The following SMURF1 variants were observed in gnomAD, a reference collection of about 807,000 sequenced individuals.
The protein encoded by SMURF1 is E3 ubiquitin-protein ligase SMURF1.
Under a neutral mutation model 98.0 loss-of-function variants are expected in SMURF1, and 44 were observed. The ratio of observed to expected loss-of-function variants is 0.45; its 90% CI spans 0.35 to 0.58. The LOEUF is 0.58. Among genes scored for constraint, SMURF1 ranks in the 20% least tolerant of loss-of-function variants. SMURF1 has a pLI of 0.00. For missense variants in SMURF1, 687 were observed against 938.4 expected (o/e 0.73, Z 3.50); for synonymous variants, 396 against 374.9 (o/e 1.06, Z -0.65).
At chr7:99,123,317 G>A (rs748185449) in intron 1 of SMURF1, among the ~76,000 whole-genome samples, 5 of 152,102 alleles carry the variant, frequency 3.3e-5, no homozygotes, top group African/African-American at 1.2e-4. Context: ...AGGATCACTA[G>A]AGACCAGGAG....
In SMURF1 at chr7:99,055,485, TA is replaced by T. The variant is rs546111265; in HGVS notation, c.404-621del. Reference sequence around the variant, plus strand: ...TCTGTCTCCAAAAAAAATTAAAAATTAAAAAAAATAATAAAAATAAGAAGTT... The same window carrying T: ...TCTGTCTCCAAAAAAAATTAAAAATTAAAAAAATAATAAAAATAAGAAGTT... On this transcript the variant is annotated intron_variant, in intron 5 of 17. Coordinates refer to ENST00000361368, the MANE Select transcript of SMURF1 (RefSeq NM_181349.3). 4.2e-4 allele frequency among the ~76,000 whole-genome samples: 63 copies of T among 150,730 alleles called. No homozygotes were observed. In the East Asian group the frequency reaches 9.6e-3, roughly 23 times the overall value.
intron 1 of SMURF1, among the ~76,000 whole-genome samples, chr7:99,084,672 C>T (rs962285493): frequency 1.3e-5 from 2 of 152,050 alleles, no homozygotes; most frequent in Admixed American, 6.5e-5. Context: ...TGTGAGCCAC[C>T]GCACCCAGCC....
chr7:99,056,036 A>G, intron 5 of SMURF1, among the ~76,000 whole-genome samples: 1 of 152,244 alleles, frequency 6.6e-6, no homozygotes, highest in East Asian at 1.9e-4. Flanking sequence ...CTAAATATTT[A>G]TTCTCTATCT....
intron 1 of SMURF1, among the ~76,000 whole-genome samples, chr7:99,081,755 C>G (rs924994725): frequency 6.6e-6 from 1 of 152,198 alleles, no homozygotes; most frequent in African/African-American, 2.4e-5. Flanking sequence ...CAGGTTCAAG[C>G]TATTCTCCTG....
At chr7:99,068,586 C>T (rs1032096816) in intron 1 of SMURF1, among the ~76,000 whole-genome samples, 2 of 152,190 alleles carry the variant, frequency 1.3e-5, no homozygotes, top group Non-Finnish European at 2.9e-5. Context: ...AGGACTAAGC[C>T]ACTGTGCCTG....
intron 1 of SMURF1, among the ~76,000 whole-genome samples, chr7:99,078,150 A>C (rs1419218903): frequency 1.3e-5 from 2 of 152,108 alleles, no homozygotes; most frequent in Admixed American, 1.3e-4. Flanking sequence ...AAATACAAAA[A>C]AATTAGCCAG....
At position 99,065,775 on chromosome 7, in the gene SMURF1, C is replaced by T. The variant is rs536752211; in HGVS notation, c.56-3938G>A. ...TCAAAGGCACAAGCGAGGCTGGGCG[C>T]GGTGGCTTACGCCTGTAATCCCAGC... On this transcript the variant is annotated intron_variant, in intron 1 of 17. Transcript: ENST00000361368. Among the ~76,000 whole-genome samples, 10 of 151,942 alleles carry T rather than the reference C, an allele frequency of 6.6e-5. No individual in the cohort carries two copies. In the South Asian group the frequency reaches 1.5e-3, roughly 22 times the overall value.
At position 99,046,731 on chromosome 7, in the gene SMURF1, C is replaced by CAAA. The variant is rs56788889; in HGVS notation, c.1153-933_1153-931dup. ...TGGGCAACAGTGCAAGACTCCGTCTCAAAAAAAAAAAAAAAAAAAAAAACC... is the reference window on the plus strand; with the variant it reads ...TGGGCAACAGTGCAAGACTCCGTCTCAAAAAAAAAAAAAAAAAAAAAAAAAACC... On this transcript the variant is annotated intron_variant, in intron 10 of 17. Coordinates refer to ENST00000361368, the MANE Select transcript of SMURF1 (RefSeq NM_181349.3). Among the ~76,000 whole-genome samples the CAAA allele has an allele frequency of 7.1e-3, 524 of 74,124 alleles. 5 individuals carry two copies. The highest frequency in any genetic ancestry group is 0.02 in the African/African-American group (368 of 18,344). 48.6% of individuals were successfully genotyped at this position (74,124 alleles called of 152,430 possible). A position where few individuals can be genotyped will look rare whatever the true frequency, so the allele number is the denominator to read the frequency against.
intron 16 of SMURF1, among the ~76,000 whole-genome samples, chr7:99,033,493 C>T (rs780396051): frequency 2.0e-5 from 3 of 152,242 alleles, no homozygotes; most frequent in South Asian, 2.1e-4. Context: ...TTAGTAGAGA[C>T]GGGGTTTTGC....
chr7:99,120,811 A>G (rs546796939), intron 1 of SMURF1: 4 of 151,874 alleles, frequency 2.6e-5, no homozygotes, highest in African/African-American at 9.7e-5. Context: ...AAAGGGAGAA[A>G]AAAAAAAAAA....
intron 7 of SMURF1, among the ~76,000 whole-genome samples, chr7:99,051,821 C>T (rs773038099): frequency 2.0e-5 from 3 of 152,172 alleles, no homozygotes; most frequent in Non-Finnish European, 4.4e-5. Flanking sequence ...GGCATAGCCA[C>T]GCAAACATCC....
chr7:99,030,517 G>A lies in SMURF1; in HGVS notation c.*67C>T. ...AGGGCCTCTGCCAGCTTTGCAGGAG[G>A]TGCACAGAAGCTGGATGCTTTTGGT... On this transcript the variant is annotated 3_prime_UTR_variant, in exon 18 of 18. Transcript: ENST00000361368. 2 of 1,308,784 alleles carry A rather than the reference G, an allele frequency of 1.5e-6. No individual in the cohort carries two copies. Among genetic ancestry groups the A allele is most frequent in the Non-Finnish European group, 2.2e-6 (2 of 906,788 alleles). The allele number at this position is 1,308,784 out of a possible 1,614,324, so 81.1% of individuals were successfully genotyped here. A position where few individuals can be genotyped will look rare whatever the true frequency, so the allele number is the denominator to read the frequency against.
At chr7:99,126,707 G>A (rs1330701642) in intron 1 of SMURF1, among the ~76,000 whole-genome samples, 1 of 152,168 alleles carries the variant, frequency 6.6e-6, no homozygotes, top group Non-Finnish European at 1.5e-5. Flanking sequence ...TATGTATACA[G>A]ATATTTGCGT....
intron 1 of SMURF1, among the ~76,000 whole-genome samples, chr7:99,076,809 A>G (rs1328659992): frequency 6.6e-6 from 1 of 151,814 alleles, no homozygotes. Flanking sequence ...GCATGTGTGC[A>G]AGTGTGCATG....
At chr7:99,059,909 CAA>C (rs34628446) in intron 3 of SMURF1, among the ~76,000 whole-genome samples, 3 of 138,012 alleles carry the variant, frequency 2.2e-5, no homozygotes. Context: ...GACTCCATCT[CAA>C]AAAAAAAAAA....
intron 11 of SMURF1, 149 bp downstream of exon 11, chr7:99,045,548 TG>T (rs1335201596): frequency 1.6e-6 from 1 of 621,556 alleles, no homozygotes; most frequent in Non-Finnish European, 2.9e-6. Flanking sequence ...GCAGGGTGGC[TG>T]AAGCCAGTGC....
At chr7:99,142,563 CGGGGCT>C (rs1798151844) in intron 1 of SMURF1, among the ~76,000 whole-genome samples, 1 of 87,078 alleles carries the variant, frequency 1.1e-5, no homozygotes, top group Non-Finnish European at 2.3e-5. Flanking sequence ...AGCGAGGGGG[CGGGGCT>C]AGGCAGGAAT....
intron 1 of SMURF1, among the ~76,000 whole-genome samples, chr7:99,071,644 T>C (rs926766152): frequency 4.6e-5 from 7 of 152,330 alleles, no homozygotes; most frequent in African/African-American, 1.7e-4. Flanking sequence ...TTTGGTTTTT[T>C]CTTAAGTATT....
chr7:99,122,295 T>A (rs1436450145), intron 1 of SMURF1, among the ~76,000 whole-genome samples: 4 of 139,848 alleles, frequency 2.9e-5, no homozygotes, highest in Non-Finnish European at 6.1e-5. Flanking sequence ...GCCACCGCAC[T>A]CCAGCCTGGG....
Sources: gnomAD v4.1 joint callset for allele counts (sites outside exome capture counted in the v4.1 genomes callset) on GRCh38, gnomAD v4.1.1 for gene constraint, MANE v1.5 for transcripts, NCBI Gene and HGNC (gene_info 2026-07-23, HGNC 2026-07-21) for gene names.